The following MYO1E variants were observed in gnomAD, a reference collection of about 807,000 sequenced individuals.
The protein encoded by MYO1E is unconventional myosin-Ie.
A neutral mutation model predicts 151.1 loss-of-function variants in MYO1E; 68 were observed. The observed-to-expected ratio is 0.45, with a 90% CI of 0.37 to 0.55. The LOEUF (loss-of-function observed/expected upper bound fraction) is 0.55, where lower values mean the gene tolerates loss of function less well. MYO1E is among the 20% of genes least tolerant of loss of function. MYO1E has a pLI of 0.00. For missense variants in MYO1E, 1,363 were observed against 1,389.3 expected (o/e 0.98, Z 0.30); for synonymous variants, 601 against 501.7 (o/e 1.20, Z -2.64).
At chr15:59,198,294 G>T (rs554356503) in intron 16 of MYO1E, among the ~76,000 whole-genome samples, 24 of 152,206 alleles carry the variant, frequency 1.6e-4, no homozygotes, top group Non-Finnish European at 2.9e-4. Flanking sequence ...ACAGAAGCAG[G>T]TGTTAAAATA....
At chr15:59,224,867 G>A (rs750999222) in intron 7 of MYO1E, 44 bp from the exon 8 acceptor site, 42 of 1,613,570 alleles carry the variant, frequency 2.6e-5, no homozygotes, top group African/African-American at 1.6e-4. Context: ...TGGACCACAA[G>A]GCACCCGAAG....
chr15:59,310,213 G>C (rs1271613730), intron 1 of MYO1E, among the ~76,000 whole-genome samples: 1 of 152,104 alleles, frequency 6.6e-6, no homozygotes, highest in Non-Finnish European at 1.5e-5. Flanking sequence ...ACCAGCTTGA[G>C]TGTGGCAGCA....
At position 59,217,819 on chromosome 15, in the gene MYO1E, C is replaced by T. The variant is rs1335874907; in HGVS notation, c.1107+72G>A. The T allele has an allele frequency of 7.1e-6, 11 of 1,552,612 alleles. No homozygotes were observed. In the Admixed American group the frequency reaches 1.7e-4, roughly 24 times the overall value. On this transcript the variant is annotated intron_variant, in intron 10 of 27. Coordinates refer to ENST00000288235, the MANE Select transcript of MYO1E (RefSeq NM_004998.4). ...CTGGGATTACAGGTGTGAGCCACCGCACCCAGCCTACTAGTTTTACTCTTT... is the reference window on the plus strand; with the variant it reads ...CTGGGATTACAGGTGTGAGCCACCGTACCCAGCCTACTAGTTTTACTCTTT...
In MYO1E at chr15:59,305,098, G is replaced by A. The variant is rs185727147; in HGVS notation, c.4-32649C>T. 3.7e-3 allele frequency among the ~76,000 whole-genome samples: 558 copies of A among 152,334 alleles called. 8 individuals carry two copies. The highest frequency in any genetic ancestry group is 8.6e-3 in the Admixed American group (132 of 15,302). ...TAGCGTCCACTGTCACCAGTTCCTG[G>A]AGGTCAGGGCTTGCTTTTTTCTTTC... On this transcript the variant is annotated intron_variant, in intron 1 of 27. Transcript: ENST00000288235.
intron 1 of MYO1E, among the ~76,000 whole-genome samples, chr15:59,277,371 C>A (rs1688286212): frequency 6.6e-6 from 1 of 151,988 alleles, no homozygotes; most frequent in Non-Finnish European, 1.5e-5. Context: ...ATAGTGAAAC[C>A]CTGTTTCTAC....
At chr15:59,261,311 A>G (rs1423757652) in intron 3 of MYO1E, 109 bp downstream of exon 3, 1 of 595,044 alleles carries the variant, frequency 1.7e-6, no homozygotes, top group Non-Finnish European at 3.0e-6. Context: ...TTTCTCCAAT[A>G]AAAAATTCAT....
At chr15:59,178,697 T>A (rs1462498234) in intron 18 of MYO1E, among the ~76,000 whole-genome samples, 160 bp from the exon 19 acceptor site, 1 of 152,244 alleles carries the variant, frequency 6.6e-6, no homozygotes, top group Non-Finnish European at 1.5e-5. Context: ...TGGACTGCGA[T>A]GACTGCAAAA....
intron 1 of MYO1E, among the ~76,000 whole-genome samples, chr15:59,297,245 G>T (rs1193786550): frequency 4.0e-5 from 6 of 150,068 alleles, no homozygotes; most frequent in Non-Finnish European, 8.9e-5. Context: ...TTTTTCCCCT[G>T]GTGCAGGATC....
chr15:59,351,872 G>A (rs1320497840), intron 1 of MYO1E, among the ~76,000 whole-genome samples: 1 of 152,168 alleles, frequency 6.6e-6, no homozygotes, highest in Non-Finnish European at 1.5e-5. Flanking sequence ...GTTCTCCAGC[G>A]CCAGGACTGG....
At chr15:59,206,905 T>C in intron 14 of MYO1E, 1 of 1,585,718 alleles carries the variant, frequency 6.3e-7, no homozygotes, top group South Asian at 1.2e-5. Flanking sequence ...AGCAGCTTTT[T>C]TCCATTCTCT....
rs1309715154 is a variant in MYO1E at position 59,350,142 on chromosome 15, T to C, written c.3+22356A>G. 1.3e-5 allele frequency among the ~76,000 whole-genome samples: 2 copies of C among 152,248 alleles called. No homozygotes were observed. The highest frequency in any genetic ancestry group is 2.9e-5 in the Non-Finnish European group (2 of 68,040). On this transcript the variant is annotated intron_variant, in intron 1 of 27. Transcript: ENST00000288235. The surrounding 1 kb of genome is among the most constrained non-coding windows in gnomAD (Gnocchi z 5.0). The stretch of plus-strand genomic sequence containing the variant: ...GAGAATGGAAGCTATTCTTACTTCA[T>C]TTTTTAACAAATGAAACTGAAGTAC...
At chr15:59,234,552 G>C (rs1207954539) in intron 5 of MYO1E, among the ~76,000 whole-genome samples, 1 of 152,204 alleles carries the variant, frequency 6.6e-6, no homozygotes, top group African/African-American at 2.4e-5. Flanking sequence ...AGACATGGTG[G>C]CTCATGCCTG....
Position 59,138,227 on chromosome 15 carries a change from G to T in MYO1E, c.3221C>A (p.Ala1074Asp). ...TTTGATAATATCAATAATGTCATTG[G>T]CATTAAAGCTGAGTTCGTCTGTGTC... is the stretch of plus-strand genomic sequence containing the variant. ...AQDTDELSFN[A>D]NDIIDIIKED... is the part of the protein sequence containing the mutation. The change falls in exon 27 of 28, where the codon GCC becomes GAC. Residue 1074 changes from alanine (A) to aspartate (D), a missense_variant. Ala to Asp is a moderately radical substitution (Grantham distance 126). Transcript: ENST00000288235. 4 of 1,614,168 alleles carry T rather than the reference G, an allele frequency of 2.5e-6. No individual in the cohort carries two copies. The highest frequency in any genetic ancestry group is 3.4e-6 in the Non-Finnish European group (4 of 1,180,032).
intron 18 of MYO1E, among the ~76,000 whole-genome samples, chr15:59,185,130 G>A (rs1185075932): frequency 1.3e-5 from 2 of 151,848 alleles, no homozygotes; most frequent in African/African-American, 4.8e-5. Context: ...TTTTTTGATT[G>A]GATTATTAGA....
intron 1 of MYO1E, among the ~76,000 whole-genome samples, chr15:59,310,382 C>T (rs778989059): frequency 1.3e-5 from 2 of 152,190 alleles, no homozygotes; most frequent in Non-Finnish European, 2.9e-5. Context: ...CGGATAGAAT[C>T]AAGTTAAGAC....
rs1415466547 is a variant in MYO1E at position 59,134,619 on chromosome 15, C to CTCAT, written c.*2757_*2760dup. On this transcript the variant is annotated 3_prime_UTR_variant, in exon 28 of 28. Coordinates refer to ENST00000288235, the MANE Select transcript of MYO1E (RefSeq NM_004998.4). Reference sequence around the variant, plus strand: ...ACCCTAGGGTACACAGTCAGGCCTTCTCATTTAGTTCCTGGTTACTTAAAA... The same window carrying CTCAT: ...ACCCTAGGGTACACAGTCAGGCCTTCTCATTCATTTAGTTCCTGGTTACTTAAAA... 1 of 152,250 alleles carries CTCAT rather than the reference C, an allele frequency of 6.6e-6. No individual in the cohort carries two copies. The highest frequency in any genetic ancestry group is 2.4e-5 in the African/African-American group (1 of 41,438). The allele number at this position is 152,250 out of a possible 1,614,324, so 9.4% of individuals were successfully genotyped here.
Position 59,272,422 on chromosome 15 carries a change from A to G in MYO1E, c.31T>C (p.Trp11Arg), listed in dbSNP as rs368202942. 6.2e-6 allele frequency: 10 copies of G among 1,614,094 alleles called. No homozygotes were observed. The African/African-American group carries it at 1.2e-4, about 19-fold the overall frequency. The change falls in exon 2 of 28, where the codon TGG (tryptophan) becomes CGG (arginine). Residue 11 changes from tryptophan (W) to arginine (R), a missense_variant. Coordinates refer to ENST00000288235, the MANE Select transcript of MYO1E (RefSeq NM_004998.4). MGSKGVYQYH[W>R]QSHNVKHSGV... ...CTGTGCTTGACATTGTGGCTTTGCC[A>G]GTGGTACTGGTAGACACCTTTGCTT...
chr15:59,274,067 T>C (rs533197292), intron 1 of MYO1E, among the ~76,000 whole-genome samples: 23 of 151,942 alleles, frequency 1.5e-4, no homozygotes, highest in African/African-American at 5.5e-4. Flanking sequence ...TACTTTTTTT[T>C]CGATGGGAAA....
At chr15:59,215,141 C>T (rs1262458858) in intron 10 of MYO1E, among the ~76,000 whole-genome samples, 1 of 152,144 alleles carries the variant, frequency 6.6e-6, no homozygotes, top group African/African-American at 2.4e-5. Context: ...TGACCCAACA[C>T]AATATGCCAG....
Sources: allele counts gnomAD v4.1 joint callset (sites outside exome capture counted in the v4.1 genomes callset), GRCh38; gene constraint gnomAD v4.1.1; non-coding constraint Gnocchi (gnomAD v3.1); transcripts MANE v1.5; gene names NCBI Gene and HGNC (gene_info 2026-07-23, HGNC 2026-07-21).